CSMD3: variants seen among roughly 807,000 people sequenced by gnomAD.
The protein encoded by CSMD3 is CUB and Sushi multiple domains 3.
CSMD3 carries 177 observed loss-of-function variants against 435.2 expected under a neutral mutation model. The observed-to-expected ratio is 0.41, with a 90% CI of 0.36 to 0.46. The LOEUF is 0.46. CSMD3 is among the 20% of genes least tolerant of loss of function. The pLI, the probability that CSMD3 is intolerant of heterozygous loss-of-function variation, is 0.34. For synonymous variants in CSMD3, 1,656 were observed against 1,520.5 expected, an observed-to-expected ratio of 1.09 and a Z score of -2.07; for missense variants, 4,265 against 4,504.6, an observed-to-expected ratio of 0.95 and a Z score of 1.52.
intron 13 of CSMD3, among the ~76,000 whole-genome samples, chr8:112,722,642 C>T (rs935308184): frequency 4.0e-5 from 6 of 151,894 alleles, no homozygotes; most frequent in African/African-American, 1.5e-4. Flanking sequence ...GTGGCAAAAT[C>T]GTAAAAACTG....
chr8:112,880,561 G>A (rs1033473994), intron 10 of CSMD3, among the ~76,000 whole-genome samples: 1 of 152,012 alleles, frequency 6.6e-6, no homozygotes, highest in African/African-American at 2.4e-5. Context: ...TAGGCAGGGG[G>A]AAAGACACAC....
intron 5 of CSMD3, among the ~76,000 whole-genome samples, chr8:113,061,910 A>G (rs1025943272): frequency 6.6e-6 from 1 of 151,854 alleles, no homozygotes; most frequent in East Asian, 1.9e-4. Context: ...AATAATTGTA[A>G]TTATTTCATT....
At chr8:112,919,172 T>C (rs575982060) in intron 10 of CSMD3, among the ~76,000 whole-genome samples, 3 of 151,862 alleles carry the variant, frequency 2.0e-5, no homozygotes, top group Non-Finnish European at 4.4e-5. Flanking sequence ...AACATATGAA[T>C]CTTGAACATG....
chr8:113,098,904 A>G lies in CSMD3; in HGVS notation c.769T>C (p.Phe257Leu). The change falls in exon 5 of 71, where the codon TTT (phenylalanine) becomes CTT (leucine). Residue 257 changes from phenylalanine to leucine, a missense_variant. By Grantham distance (22) the Phe-to-Leu change is conservative (BLOSUM62 0). This residue lies in a region of CSMD3 where 731 missense variants were observed against 755.4 expected (regional missense o/e 0.97). Coordinates refer to ENST00000297405, the MANE Select transcript of CSMD3 (RefSeq NM_198123.2). ...GSSGIISSPS[F>L]PNEYHNNADC... ...GCATTGTTATGGTACTCATTAGGAA[A>G]ACTAGGGCTGGATATGATGCCACTG... 1 of 1,612,950 alleles carries G rather than the reference A, an allele frequency of 6.2e-7. No homozygotes were observed. Among genetic ancestry groups the G allele is most frequent in the Non-Finnish European group, 8.5e-7 (1 of 1,179,164 alleles).
At chr8:112,524,868 A>G (rs1824697655) in intron 27 of CSMD3, among the ~76,000 whole-genome samples, 2 of 152,108 alleles carry the variant, frequency 1.3e-5, no homozygotes, top group South Asian at 4.1e-4. Flanking sequence ...CAAAATAATC[A>G]TTTCTGTTAC....
At chr8:112,748,740 T>C (rs537261610) in intron 13 of CSMD3, among the ~76,000 whole-genome samples, 35 of 152,174 alleles carry the variant, frequency 2.3e-4, no homozygotes, top group Non-Finnish European at 4.6e-4. Flanking sequence ...CAGTCTGTCA[T>C]TGATGGCCAT....
At chr8:112,484,163 C>T (rs1392700692) in intron 31 of CSMD3, among the ~76,000 whole-genome samples, 1 of 152,070 alleles carries the variant, frequency 6.6e-6, no homozygotes, top group African/African-American at 2.4e-5. Flanking sequence ...TTCCTTCTTC[C>T]AGAAATTTAG....
At chr8:112,361,617 AT>A (rs1398501146) in intron 38 of CSMD3, among the ~76,000 whole-genome samples, 1 of 113,754 alleles carries the variant, frequency 8.8e-6, no homozygotes, top group Non-Finnish European at 1.9e-5. Context: ...ATATATATAT[AT>A]ATGTCCTAGT....
chr8:112,494,544 TTTCTTTC>T (rs1821114658), intron 30 of CSMD3, among the ~76,000 whole-genome samples: 3 of 144,138 alleles, frequency 2.1e-5, no homozygotes, highest in African/African-American at 7.8e-5. Flanking sequence ...TCTTTCTTTC[TTTCTTTC>T]TTTCTTTCTT....
intron 5 of CSMD3, among the ~76,000 whole-genome samples, chr8:113,023,371 C>A (rs1377278492): frequency 6.6e-6 from 1 of 151,900 alleles, no homozygotes; most frequent in Non-Finnish European, 1.5e-5. Flanking sequence ...TTTCACAATT[C>A]TCCCACTTTC....
chr8:112,341,462 T>C lies in CSMD3; in HGVS notation c.6652+15A>G. The C allele has an allele frequency of 1.3e-6, 2 of 1,528,316 alleles. No individual in the cohort carries two copies. The highest frequency in any genetic ancestry group is 1.8e-6 in the Non-Finnish European group (2 of 1,102,422). The allele number at this position is 1,528,316 out of a possible 1,614,324, so 94.7% of individuals were successfully genotyped here. A position where few individuals can be genotyped will look rare whatever the true frequency, so the allele number is the denominator to read the frequency against. On this transcript the variant is annotated intron_variant, in intron 42 of 70. Transcript: ENST00000297405. ...TGGGGTTATATAAATTTTCATTTTT[T>C]ATTATTTCTCTTACCTTGGTATACA...
At chr8:112,343,521 ATTTTT>A (rs1031302424) in intron 41 of CSMD3, among the ~76,000 whole-genome samples, 1 of 151,854 alleles carries the variant, frequency 6.6e-6, no homozygotes, top group Admixed American at 6.6e-5. Context: ...GGCATGTTTA[ATTTTT>A]TTTAGCTTTC....
chr8:112,979,501 T>A (rs1367649907), intron 6 of CSMD3, among the ~76,000 whole-genome samples: 3 of 151,594 alleles, frequency 2.0e-5, no homozygotes, highest in African/African-American at 4.8e-5. Flanking sequence ...ATACTCAAAA[T>A]TTTTGAATAC....
At chr8:113,079,090 G>C (rs559781687) in intron 5 of CSMD3, among the ~76,000 whole-genome samples, 67 of 152,156 alleles carry the variant, frequency 4.4e-4, no homozygotes, top group Non-Finnish European at 7.5e-4. Flanking sequence ...AAATATATTT[G>C]AATACATTCT....
intron 22 of CSMD3, among the ~76,000 whole-genome samples, chr8:112,629,744 T>A (rs2131551682): frequency 6.6e-6 from 1 of 152,324 alleles, no homozygotes; most frequent in Non-Finnish European, 1.5e-5. Context: ...TTTCAAAGGA[T>A]AACTGGTATG....
intron 1 of CSMD3, among the ~76,000 whole-genome samples, chr8:113,405,580 G>T (rs543869921): frequency 4.6e-5 from 7 of 151,700 alleles, no homozygotes; most frequent in Admixed American, 3.9e-4. Context: ...CAGTTTCACA[G>T]GAAGCATCAC....
chr8:113,000,702 G>A (rs2085829764), intron 6 of CSMD3, among the ~76,000 whole-genome samples: 2 of 151,958 alleles, frequency 1.3e-5, no homozygotes, highest in African/African-American at 4.8e-5. Flanking sequence ...ATCTTTGGTT[G>A]TATTTTCCTG....
At chr8:112,908,412 T>C (rs1425621925) in intron 10 of CSMD3, among the ~76,000 whole-genome samples, 1 of 151,524 alleles carries the variant, frequency 6.6e-6, no homozygotes, top group Non-Finnish European at 1.5e-5. Flanking sequence ...CTTATATCTT[T>C]ATAACTTTGT....
intron 10 of CSMD3, among the ~76,000 whole-genome samples, chr8:112,892,137 T>C (rs1199470099): frequency 6.6e-6 from 1 of 151,644 alleles, no homozygotes; most frequent in Non-Finnish European, 1.5e-5. Flanking sequence ...CATGTATTAC[T>C]AAGTATTCTC....
Sources: gnomAD v4.1 joint callset for allele counts (sites outside exome capture counted in the v4.1 genomes callset) on GRCh38, gnomAD v4.1.1 for gene constraint, gnomAD v4.1.1 regional missense constraint, MANE v1.5 for transcripts, NCBI Gene and HGNC (gene_info 2026-07-23, HGNC 2026-07-21) for gene names.